TNNT1: variants seen among roughly 807,000 people sequenced by gnomAD.
TNNT1 encodes troponin T1, slow skeletal type, also known as troponin T, slow skeletal muscle.
Under a neutral mutation model 50.6 loss-of-function variants are expected in TNNT1, and 53 were observed. The ratio of observed to expected loss-of-function variants is 1.05; its 90% confidence interval spans 0.84 to 1.32. The LOEUF (loss-of-function observed/expected upper bound fraction) is 1.32. TNNT1 is among the 40% of genes most tolerant of loss of function. The probability of loss-of-function intolerance (pLI) is 0.00; values close to 1 mark genes in which losing one functional copy is unlikely to be tolerated. For missense variants in TNNT1, 348 were observed against 381.7 expected, an observed-to-expected ratio of 0.91 and a Z score of 0.74; for synonymous variants, 142 against 138.0, an observed-to-expected ratio of 1.03 and a Z score of -0.20.
intron 13 of TNNT1, among the ~76,000 whole-genome samples, chr19:55,133,338 G>A (rs771727957): frequency 6.6e-6 from 1 of 151,966 alleles, no homozygotes; most frequent in Non-Finnish European, 1.5e-5. Flanking sequence ...AAGGGAGAGG[G>A]AGAGGAGGGA....
chr19:55,135,878 C>T (rs894298519), intron 11 of TNNT1, among the ~76,000 whole-genome samples: 1 of 152,198 alleles, frequency 6.6e-6, no homozygotes, highest in South Asian at 2.1e-4. Context: ...CAGCGCCCCC[C>T]AGAGGGCTTC....
rs758980008 is a variant in TNNT1, at chr19:55,132,967, A to C, written c.792-7T>G. On this transcript the variant is annotated splice_polypyrimidine_tract_variant and splice_region_variant and intron_variant, in intron 13 of 13. Transcript: ENST00000588981. ...CTTCCCTGCCCCCTTCCGGCTGTAG[A>C]AGAATGAGGTGGTATCAGGAAAAAG... 1 of 1,599,520 alleles carries C rather than the reference A, an allele frequency of 6.3e-7. No individual in the cohort carries two copies. Among genetic ancestry groups the C allele is most frequent in the East Asian group, 2.2e-5 (1 of 44,490 alleles).
rs769244932 is a variant in TNNT1, at chr19:55,149,170, G to A, written c.-21C>T. 2.9e-5 allele frequency: 13 copies of A among 456,138 alleles called. No individual in the cohort carries two copies. Among genetic ancestry groups the A allele is most frequent in the Non-Finnish European group, 4.0e-5 (9 of 226,944 alleles). 28.3% of individuals were successfully genotyped at this position (456,138 alleles called of 1,614,324 possible). A position where few individuals can be genotyped will look rare whatever the true frequency, so the allele number is the denominator to read the frequency against. ...CCGCAGAGCCCCTTACCTAGGCTGT[G>A]TCTGAGATGCTGTGAATCTTGAGGC... On this transcript the variant is annotated 5_prime_UTR_variant, in exon 1 of 14. Coordinates refer to ENST00000588981, the MANE Select transcript of TNNT1 (RefSeq NM_003283.6).
rs1265315907 is a variant in TNNT1, at chr19:55,137,811, C to A, written c.501+150G>T. 11 of 962,680 alleles carry A rather than the reference C, an allele frequency of 1.1e-5. No homozygotes were observed. In the East Asian group the frequency reaches 2.8e-4, roughly 25 times the overall value. 59.6% of individuals were successfully genotyped at this position (962,680 alleles called of 1,614,324 possible). A position where few individuals can be genotyped will look rare whatever the true frequency, so the allele number is the denominator to read the frequency against. On this transcript the variant is annotated intron_variant, in intron 10 of 13. Coordinates refer to ENST00000588981, the MANE Select transcript of TNNT1 (RefSeq NM_003283.6). ...AGGCGTCCAGACCCCAGCTCCTCCTCCCTCAGACCCAGGAGTTCAGGGCCC... is the reference window on the plus strand; with the variant it reads ...AGGCGTCCAGACCCCAGCTCCTCCTACCTCAGACCCAGGAGTTCAGGGCCC...
intron 7 of TNNT1, 21 bp downstream of exon 7, chr19:55,141,836 G>T (rs2085461757): frequency 6.2e-7 from 1 of 1,613,600 alleles, no homozygotes; most frequent in Non-Finnish European, 8.5e-7. Context: ...TGCGCCTGCG[G>T]AGGGGTCTCT....
At chr19:55,149,111 C>T in intron 1 of TNNT1, 50 bp downstream of exon 1, 1 of 456,004 alleles carries the variant, frequency 2.2e-6, no homozygotes, top group Non-Finnish European at 4.4e-6. Flanking sequence ...CTGCCCCCTC[C>T]CCCAAGGACA....
chr19:55,133,550 C>T (rs1263062867), intron 13 of TNNT1: 3 of 408,826 alleles, frequency 7.3e-6, no homozygotes, highest in Non-Finnish European at 1.3e-5. Flanking sequence ...TGGTGGCGCG[C>T]ACCTGTAATC....
At chr19:55,145,967 C>T (rs1320447013) in intron 5 of TNNT1, among the ~76,000 whole-genome samples, 1 of 146,652 alleles carries the variant, frequency 6.8e-6, no homozygotes, top group Admixed American at 6.7e-5. Flanking sequence ...CTCCCCAGCT[C>T]GCCCCCTGCC....
chr19:55,145,493 G>T (rs550685547), intron 6 of TNNT1, 51 bp downstream of exon 6: 1 of 1,584,050 alleles, frequency 6.3e-7, no homozygotes, highest in South Asian at 1.1e-5. Flanking sequence ...GGGGTAGAGG[G>T]AATATTTAGG....
intron 1 of TNNT1, among the ~76,000 whole-genome samples, chr19:55,148,703 C>G (rs998148076): frequency 2.0e-5 from 3 of 152,046 alleles, no homozygotes; most frequent in African/African-American, 7.2e-5. Flanking sequence ...TAATGGCACT[C>G]TAAGTTTTCA....
At chr19:55,137,894 C>T in intron 10 of TNNT1, 67 bp downstream of exon 10, 1 of 1,592,332 alleles carries the variant, frequency 6.3e-7, no homozygotes, top group South Asian at 1.1e-5. Context: ...CGTTAGGAAC[C>T]AGAGGTCTGG....
At chr19:55,144,171 G>A (rs936715754) in intron 6 of TNNT1, among the ~76,000 whole-genome samples, 3 of 149,294 alleles carry the variant, frequency 2.0e-5, no homozygotes, top group Admixed American at 1.4e-4. Flanking sequence ...CGGTTCAAGC[G>A]ATTCTCCTGC....
At chr19:55,133,075 A>G in intron 13 of TNNT1, 115 bp from the exon 14 acceptor site, 1 of 953,044 alleles carries the variant, frequency 1.0e-6, no homozygotes, top group Non-Finnish European at 1.6e-6. Context: ...CCCTGCCCAG[A>G]GGAAGCAGTG....
rs149328670 is a variant in TNNT1 at position 55,138,280 on chromosome 19, GTT to G, written c.388-208_388-207del. 5.7e-5 allele frequency among the ~76,000 whole-genome samples: 8 copies of G among 139,152 alleles called. No homozygotes were observed. The East Asian group carries it at 1.3e-3, about 22-fold the overall frequency. 91.3% of individuals were successfully genotyped at this position (139,152 alleles called of 152,430 possible). On this transcript the variant is annotated intron_variant, in intron 9 of 13. Transcript: ENST00000588981. ...ACCACCTACAAGTCCCTTCCCCTCT[GTT>G]TTTTTTTTTTTTTGAGACGGACTCT...
In TNNT1 at chr19:55,133,238, G is replaced by C. The variant is rs891185; in HGVS notation, c.792-278C>G. On this transcript the variant is annotated intron_variant, in intron 13 of 13. Transcript: ENST00000588981. Reference sequence around the variant, plus strand: ...ATGTTTATGAGTCAGGGGCCAGGGTGGGGGGAGGAAGGGTTGGATGATCTG... The same window carrying C: ...ATGTTTATGAGTCAGGGGCCAGGGTCGGGGGAGGAAGGGTTGGATGATCTG... 6.5e-4 allele frequency among the ~76,000 whole-genome samples: 98 copies of C among 150,720 alleles called. 1 individual carries two copies. Among genetic ancestry groups the C allele is most frequent in the African/African-American group, 2.2e-3 (91 of 40,758 alleles).
rs2085448757 is a variant in TNNT1 at position 55,141,254 on chromosome 19, G to C, written c.241C>G (p.Leu81Val). 11 of 1,614,124 alleles carry C rather than the reference G, an allele frequency of 6.8e-6. No homozygotes were observed. The highest frequency in any genetic ancestry group is 1.3e-5 in the African/African-American group (1 of 74,940). Residue 81 changes from leucine (L) to valine (V), a missense_variant, in exon 8 of 14, where the codon CTC becomes GTC. This residue lies in a region of TNNT1 where 253 missense variants were observed against 291.8 expected (regional missense o/e 0.87). Transcript: ENST00000588981. ...MEKDLLELQT[L>V]IDVHFEQRKK... ...CGCTGCTCGAAATGTACATCGATGA[G>C]TGTCTGCAGCTCCAGCAGGTCTTTC...
chr19:55,136,672 C>T (rs934609625), intron 11 of TNNT1, among the ~76,000 whole-genome samples: 1 of 152,188 alleles, frequency 6.6e-6, no homozygotes, highest in African/African-American at 2.4e-5. Context: ...AAGCCCCCAC[C>T]AGCCTGCCGT....
chr19:55,134,022 A>C, intron 12 of TNNT1, 44 bp downstream of exon 12: 3 of 1,539,368 alleles, frequency 1.9e-6, no homozygotes, highest in Non-Finnish European at 2.7e-6. Context: ...CTCCCAGCCC[A>C]GCCCTGCCCT....
At chr19:55,147,337 A>C (rs1293793592) in intron 1 of TNNT1, 169 bp from the exon 2 acceptor site, 1 of 578,878 alleles carries the variant, frequency 1.7e-6, no homozygotes, top group East Asian at 3.7e-5. Context: ...AGAGAGGAGG[A>C]GCTGGGGCCT....
Sources: allele counts gnomAD v4.1 joint callset (sites outside exome capture counted in the v4.1 genomes callset), GRCh38; gene constraint gnomAD v4.1.1; regional missense constraint gnomAD v4.1.1; transcripts MANE v1.5; gene names NCBI Gene and HGNC (gene_info 2026-07-23, HGNC 2026-07-21).